The following CSMD1 variants were observed in gnomAD, a reference collection of about 807,000 sequenced individuals.
CSMD1 encodes CUB and sushi domain-containing protein 1.
A neutral mutation model predicts 417.5 loss-of-function variants in CSMD1; 213 were observed. The observed-to-expected ratio is 0.51, with a 90% confidence interval of 0.46 to 0.57. The LOEUF (loss-of-function observed/expected upper bound fraction) is 0.57. CSMD1 is among the 20% of genes least tolerant of loss of function. The pLI, the probability that CSMD1 is intolerant of heterozygous loss-of-function variation, is 0.00. For missense variants in CSMD1, 6,923 were observed against 4,529.7 expected, an observed-to-expected ratio of 1.53 and a Z score of -15.17; for synonymous variants, 2,862 against 1,736.8, an observed-to-expected ratio of 1.65 and a Z score of -16.11.
At chr8:4,244,904 C>A (rs570062735) in intron 3 of CSMD1, among the ~76,000 whole-genome samples, 4 of 152,144 alleles carry the variant, frequency 2.6e-5, no homozygotes, top group Non-Finnish European at 5.9e-5. Context: ...ATGGAGATAA[C>A]AACATTTAAA....
intron 2 of CSMD1, among the ~76,000 whole-genome samples, chr8:4,526,963 C>A (rs1025515751): frequency 6.6e-6 from 1 of 152,170 alleles, no homozygotes; most frequent in Non-Finnish European, 1.5e-5. Flanking sequence ...TCTAACCCAA[C>A]TGTAGATACC....
intron 16 of CSMD1, among the ~76,000 whole-genome samples, chr8:3,398,428 A>C (rs142624977): frequency 1.7e-3 from 258 of 152,352 alleles, no homozygotes; most frequent in African/African-American, 5.4e-3. Context: ...TGAAAAAATA[A>C]AAATAATTAT....
chr8:3,912,941 G>A (rs780240614), intron 5 of CSMD1, among the ~76,000 whole-genome samples: 1 of 152,184 alleles, frequency 6.6e-6, no homozygotes, highest in Non-Finnish European at 1.5e-5. Flanking sequence ...AGAACACAGG[G>A]TGTGAACATG....
intron 2 of CSMD1, among the ~76,000 whole-genome samples, chr8:4,560,210 C>G (rs905522738): frequency 6.6e-6 from 1 of 152,206 alleles, no homozygotes; most frequent in Non-Finnish European, 1.5e-5. Flanking sequence ...GCAGCAGCAG[C>G]AAAGCTAAGA....
chr8:3,912,479 C>T (rs1808526868), intron 5 of CSMD1, among the ~76,000 whole-genome samples: 1 of 152,130 alleles, frequency 6.6e-6, no homozygotes, highest in Admixed American at 6.5e-5. Flanking sequence ...CTGCGTGCTC[C>T]TAGACCCTCA....
intron 3 of CSMD1, among the ~76,000 whole-genome samples, chr8:4,167,401 T>C (rs1426491844): frequency 6.6e-6 from 1 of 152,182 alleles, no homozygotes; most frequent in African/African-American, 2.4e-5. Context: ...TTTCATAGGC[T>C]AAAGTGTTCA....
intron 10 of CSMD1, among the ~76,000 whole-genome samples, chr8:3,554,921 C>G (rs11996513): frequency 0.036 from 5,514 of 152,030 alleles, 341 homozygotes; most frequent in African/African-American, 0.13. Flanking sequence ...TGGCAAGCAG[C>G]CACACAGGGC....
At chr8:3,850,512 T>C (rs1307573000) in intron 5 of CSMD1, among the ~76,000 whole-genome samples, 3 of 152,016 alleles carry the variant, frequency 2.0e-5, no homozygotes, top group South Asian at 2.1e-4. Flanking sequence ...TTGGCCAACA[T>C]GGCAAAACCC....
chr8:4,399,856 C>T (rs1394138584), intron 3 of CSMD1, among the ~76,000 whole-genome samples: 1 of 152,126 alleles, frequency 6.6e-6, no homozygotes, highest in Non-Finnish European at 1.5e-5. Flanking sequence ...AGAAAGATCC[C>T]AGATTAAAAG....
At chr8:3,210,188 C>T (rs889148625) in intron 30 of CSMD1, among the ~76,000 whole-genome samples, 1 of 152,140 alleles carries the variant, frequency 6.6e-6, no homozygotes, top group African/African-American at 2.4e-5. Context: ...CACAAATGTG[C>T]TGCTCTCCAT....
chr8:4,593,105 T>C (rs1800071953), intron 2 of CSMD1, among the ~76,000 whole-genome samples: 1 of 152,194 alleles, frequency 6.6e-6, no homozygotes, highest in South Asian at 2.1e-4. Flanking sequence ...GGCCATTTCT[T>C]GGTCTCATTC....
intron 11 of CSMD1, among the ~76,000 whole-genome samples, chr8:3,471,748 T>A (rs1462619675): frequency 6.7e-6 from 1 of 148,606 alleles, no homozygotes; most frequent in Non-Finnish European, 1.5e-5. Context: ...TTCCCTAAGA[T>A]AAGTGAATAT....
At chr8:3,301,346 G>T (rs1584957171) in intron 25 of CSMD1, among the ~76,000 whole-genome samples, 1 of 152,012 alleles carries the variant, frequency 6.6e-6, no homozygotes, top group Non-Finnish European at 1.5e-5. Flanking sequence ...CTTCAGATGG[G>T]GTCTAAATGA....
intron 5 of CSMD1, among the ~76,000 whole-genome samples, chr8:3,859,377 T>C (rs1804533142): frequency 6.6e-6 from 1 of 152,248 alleles, no homozygotes; most frequent in African/African-American, 2.4e-5. Flanking sequence ...TACTTCTTTT[T>C]ATAAATATCT....
intron 1 of CSMD1, among the ~76,000 whole-genome samples, chr8:4,925,837 G>T (rs1005202835): frequency 6.6e-6 from 1 of 152,122 alleles, no homozygotes. Flanking sequence ...GTGAGCCCTC[G>T]CGCCTGGCCT....
chr8:4,623,344 T>C (rs145621245), intron 2 of CSMD1, among the ~76,000 whole-genome samples: 4 of 152,084 alleles, frequency 2.6e-5, no homozygotes, highest in Admixed American at 6.5e-5. Flanking sequence ...ACACTAAATA[T>C]AGCAAAAACA....
chr8:3,044,037 C>A (rs13258332), intron 50 of CSMD1, among the ~76,000 whole-genome samples: 39,352 of 152,040 alleles, frequency 0.26, 5,344 homozygotes, highest in African/African-American at 0.3. Flanking sequence ...TCTTCCATTG[C>A]AAGCTGTTTA....
intron 16 of CSMD1, among the ~76,000 whole-genome samples, chr8:3,398,410 G>A (rs1189169327): frequency 6.6e-6 from 1 of 152,046 alleles, no homozygotes; most frequent in African/African-American, 2.4e-5. Flanking sequence ...TATTTTGTCA[G>A]AAGCAAGTGA....
chr8:4,357,413 G>C (rs1389624196), intron 3 of CSMD1, among the ~76,000 whole-genome samples: 3 of 152,006 alleles, frequency 2.0e-5, no homozygotes, highest in Non-Finnish European at 2.9e-5. Context: ...TTTACTCCAA[G>C]GCCAGAAATA....
Sources: allele counts gnomAD v4.1 joint callset (sites outside exome capture counted in the v4.1 genomes callset), GRCh38; gene constraint gnomAD v4.1.1; transcripts MANE v1.5; gene names NCBI Gene and HGNC (gene_info 2026-07-23, HGNC 2026-07-21).